The following PPP2R5C variants were observed in gnomAD, a reference collection of about 807,000 sequenced individuals.
The protein encoded by PPP2R5C is serine/threonine-protein phosphatase 2A 56 kDa regulatory subunit gamma isoform.
In PPP2R5C, 7 loss-of-function variants were observed where a neutral mutation model predicts 68.9. The observed-to-expected ratio is 0.10, with a 90% CI of 0.06 to 0.19. The LOEUF (loss-of-function observed/expected upper bound fraction) is 0.19, where lower values mean the gene tolerates loss of function less well. Ranked by LOEUF, PPP2R5C falls within the 10% of genes least tolerant of loss-of-function variation. The pLI is 1.00. For synonymous variants in PPP2R5C, 210 were observed against 222.2 expected (o/e 0.95, Z 0.49); for missense variants, 348 against 641.3 (o/e 0.54, Z 4.94).
chr14:101,824,762 G>C (rs543854411), intron 1 of PPP2R5C: 1 of 152,712 alleles, frequency 6.5e-6, no homozygotes, highest in Non-Finnish European at 1.5e-5. Flanking sequence ...CGTGTTATAG[G>C]TGCTGTGGGT....
intron 3 of PPP2R5C, among the ~76,000 whole-genome samples, chr14:101,800,968 C>T (rs554208361): frequency 6.6e-6 from 1 of 152,118 alleles, no homozygotes; most frequent in Non-Finnish European, 1.5e-5. Flanking sequence ...ATAAGCCAGG[C>T]ACAGAGAGAC....
chr14:101,897,518 C>T (rs138713346), intron 8 of PPP2R5C, among the ~76,000 whole-genome samples: 1 of 151,784 alleles, frequency 6.6e-6, no homozygotes, highest in East Asian at 1.9e-4. Context: ...AACTTGGATT[C>T]CGATGTTCGA....
intron 3 of PPP2R5C, among the ~76,000 whole-genome samples, chr14:101,787,173 C>T (rs2038130959): frequency 1.3e-5 from 2 of 152,216 alleles, no homozygotes; most frequent in Admixed American, 6.5e-5. Context: ...TTGCTTGAGC[C>T]TGGGAGGCCA....
chr14:101,779,676 A>G (rs1368943936), intron 2 of PPP2R5C, among the ~76,000 whole-genome samples: 1 of 152,160 alleles, frequency 6.6e-6, no homozygotes, highest in Non-Finnish European at 1.5e-5. Context: ...CTCAAACCCC[A>G]TGCTACGGAG....
chr14:101,762,035 C>T (rs1437260500), intron 1 of PPP2R5C, 115 bp downstream of exon 1: 1 of 1,042,830 alleles, frequency 9.6e-7, no homozygotes, highest in African/African-American at 1.7e-5. Context: ...CCTGACGCCG[C>T]GGGCTTCGCG....
rs150928454 is a variant in PPP2R5C, at chr14:101,888,857, G to C, written c.630-1380G>C. Among the ~76,000 whole-genome samples, 1,074 of 152,194 alleles carry C rather than the reference G, an allele frequency of 7.1e-3. 13 individuals are homozygous for C. The highest frequency in any genetic ancestry group is 0.025 in the African/African-American group (1,043 of 41,512). On this transcript the variant is annotated intron_variant, in intron 5 of 13. Coordinates refer to ENST00000334743, the Ensembl canonical transcript of PPP2R5C. The surrounding 1 kb of genome is among the most constrained non-coding windows in gnomAD (Gnocchi z 5.6). ...TCCACCTGCTTCAGCCTCCCAAAGT[G>C]CTGGGATTACAGGCATGAGCCACTG...
At chr14:101,767,167 A>G (rs2036901901) in intron 2 of PPP2R5C, 1 of 152,164 alleles carries the variant, frequency 6.6e-6, no homozygotes, top group Non-Finnish European at 1.5e-5. Context: ...GCCACCTTCT[A>G]CCTTTAGTAA....
At chr14:101,883,168 A>G (rs2044264915) in intron 3 of PPP2R5C, 89 bp from the exon 6 acceptor site, 5 of 901,366 alleles carry the variant, frequency 5.5e-6, no homozygotes, top group Admixed American at 6.0e-5. Context: ...TAATATTTGC[A>G]TACCAATAAA....
intron 2 of PPP2R5C, among the ~76,000 whole-genome samples, chr14:101,764,014 T>G (rs1186493095): frequency 1.3e-5 from 2 of 151,176 alleles, no homozygotes; most frequent in African/African-American, 4.9e-5. Context: ...TGTGTGTGTG[T>G]GTGTGTGTGT....
chr14:101,844,419 T>C (rs1376839436), intron 1 of PPP2R5C, among the ~76,000 whole-genome samples: 2 of 152,198 alleles, frequency 1.3e-5, no homozygotes, highest in Admixed American at 1.3e-4. Flanking sequence ...TCTGTGGCCC[T>C]GATCCCCCGG....
At chr14:101,839,697 G>A (rs1457395042) in intron 1 of PPP2R5C, among the ~76,000 whole-genome samples, 2 of 152,240 alleles carry the variant, frequency 1.3e-5, no homozygotes, top group Non-Finnish European at 2.9e-5. Flanking sequence ...TATTTGTGAT[G>A]TAATGCTTTT....
At chr14:101,761,709 G>C, upstream of PPP2R5C, 1 of 596,060 alleles carries the variant, frequency 1.7e-6, no homozygotes, top group Non-Finnish European at 2.1e-6. Context: ...CGCCGCCGCC[G>C]CCGCCGTGGC....
At chr14:101,894,621 C>A (rs2045180936) in intron 8 of PPP2R5C, 61 bp downstream of exon 10, 3 of 1,479,848 alleles carry the variant, frequency 2.0e-6, no homozygotes, top group Non-Finnish European at 1.9e-6. Context: ...GTAAATATTA[C>A]AACATCTGCT....
chr14:101,910,822 G>A (rs1235885981), intron 11 of PPP2R5C, among the ~76,000 whole-genome samples: 5 of 151,592 alleles, frequency 3.3e-5, no homozygotes, highest in African/African-American at 1.2e-4. Context: ...AAAAAAAAAG[G>A]CCGGGCATGG....
chr14:101,826,969 C>CTTT (rs1030539072), intron 1 of PPP2R5C, among the ~76,000 whole-genome samples: 381 of 95,850 alleles, frequency 4.0e-3, no homozygotes, highest in Middle Eastern at 9.8e-3. Flanking sequence ...AAATGTTTAA[C>CTTT]TTTTTTTTTT....
intron 2 of PPP2R5C, among the ~76,000 whole-genome samples, chr14:101,768,636 T>G (rs2036983933): frequency 6.6e-6 from 1 of 152,120 alleles, no homozygotes; most frequent in African/African-American, 2.4e-5. Flanking sequence ...ATTTCGTATG[T>G]GTAGCCTGTG....
chr14:101,910,749 C>T (rs1199943671), intron 11 of PPP2R5C, among the ~76,000 whole-genome samples: 2 of 150,988 alleles, frequency 1.3e-5, no homozygotes, highest in Non-Finnish European at 2.9e-5. Flanking sequence ...AGGCAGATCA[C>T]GAGGTCAGGA....
At chr14:101,886,371 G>A (rs983696630) in intron 5 of PPP2R5C, among the ~76,000 whole-genome samples, 4 of 152,034 alleles carry the variant, frequency 2.6e-5, no homozygotes, top group South Asian at 2.1e-4. Context: ...AAGTTATTAC[G>A]CATAATTTAC....
chr14:101,880,061 C>T (rs956588834), intron 2 of PPP2R5C, among the ~76,000 whole-genome samples: 1 of 152,192 alleles, frequency 6.6e-6, no homozygotes, highest in Non-Finnish European at 1.5e-5. Flanking sequence ...GAGGCAGGGC[C>T]GTCCACCTGT....
Sources: gnomAD v4.1 joint callset for allele counts (sites outside exome capture counted in the v4.1 genomes callset) on GRCh38, gnomAD v4.1.1 for gene constraint, Gnocchi (gnomAD v3.1) non-coding constraint, MANE v1.5 for transcripts, NCBI Gene and HGNC (gene_info 2026-07-23, HGNC 2026-07-21) for gene names.